SPRED2: variants seen among roughly 807,000 people sequenced by gnomAD.
SPRED2 encodes the protein sprouty related EVH1 domain containing 2.
A neutral mutation model predicts 43.0 loss-of-function variants in SPRED2; 47 were observed. The observed-to-expected ratio is 1.09, with a 90% CI of 0.87 to 1.40. The LOEUF is 1.40. Ranked by LOEUF, SPRED2 falls within the 40% of genes most tolerant of loss-of-function variation. SPRED2 has a pLI of 0.00. For missense variants in SPRED2, 561 were observed against 586.4 expected (o/e 0.96, Z 0.45); for synonymous variants, 225 against 225.7 (o/e 1.00, Z 0.03).
At chr2:65,351,375 C>G (rs894871095) in intron 1 of SPRED2, among the ~76,000 whole-genome samples, 4 of 152,202 alleles carry the variant, frequency 2.6e-5, no homozygotes, top group African/African-American at 4.8e-5. Context: ...CTTTTACCTC[C>G]CCCATAAATA....
intron 4 of SPRED2, among the ~76,000 whole-genome samples, chr2:65,329,546 T>C (rs2104194287): frequency 6.6e-6 from 1 of 152,316 alleles, no homozygotes. Flanking sequence ...CTCCTAAACT[T>C]TCTTCCAGGC....
At chr2:65,366,423 T>C (rs1240469668) in intron 1 of SPRED2, among the ~76,000 whole-genome samples, 1 of 152,230 alleles carries the variant, frequency 6.6e-6, no homozygotes, top group African/African-American at 2.4e-5. Context: ...AGGTTACCTA[T>C]CTGTCCTTGC....
At chr2:65,327,713 C>CTTTTTTTTTTTTTT (rs555549300) in intron 4 of SPRED2, among the ~76,000 whole-genome samples, 17 of 74,448 alleles carry the variant, frequency 2.3e-4, no homozygotes, top group African/African-American at 5.1e-4. Context: ...TTCTTTCTTT[C>CTTTTTTTTTTTTTT]TTTTTTTTTT....
chr2:65,345,198 T>C (rs1015073624), intron 1 of SPRED2, among the ~76,000 whole-genome samples: 5 of 152,102 alleles, frequency 3.3e-5, no homozygotes, highest in Non-Finnish European at 7.4e-5. Context: ...AATGAATTGA[T>C]TTCTGTAATT....
At position 65,316,771 on chromosome 2, in the gene SPRED2, T is replaced by C. The variant is rs543797257; in HGVS notation, c.551A>G (p.His184Arg). 1.6e-5 allele frequency: 26 copies of C among 1,612,720 alleles called. No individual in the cohort carries two copies. In the South Asian group the frequency reaches 2.6e-4, roughly 16 times the overall value. Reference sequence around the variant, plus strand: ...ATAGTGGTCTGTGGGGTATGAGTCGTGGAGGTGGCCCAGGGTATAAATCCT... The same window carrying C: ...ATAGTGGTCTGTGGGGTATGAGTCGCGGAGGTGGCCCAGGGTATAAATCCT... ...HRRIYTLGHL[H>R]DSYPTDHYHL... The change falls in exon 5 of 6, where the codon CAC becomes CGC. Residue 184 changes from histidine (H) to arginine (R), a missense_variant. Transcript: ENST00000356388.
Position 65,397,720 on chromosome 2 carries a change from T to C in SPRED2, c.26+34242A>G, listed in dbSNP as rs144389929. Among the ~76,000 whole-genome samples the C allele has an allele frequency of 3.6e-3, 548 of 151,866 alleles. 4 individuals carry two copies. The highest frequency in any genetic ancestry group is 0.012 in the African/African-American group (511 of 41,418). Reference sequence around the variant, plus strand: ...CCACTTCCTGAAGACAGGAGCCTCATCTTAGCTAGACTCCTTTAGACATAT... The same window carrying C: ...CCACTTCCTGAAGACAGGAGCCTCACCTTAGCTAGACTCCTTTAGACATAT... On this transcript the variant is annotated intron_variant, in intron 1 of 5. Transcript: ENST00000356388.
chr2:65,310,655 G>A (rs140095091), downstream of SPRED2, among the ~76,000 whole-genome samples: 5 of 152,210 alleles, frequency 3.3e-5, no homozygotes, highest in East Asian at 5.8e-4. Context: ...TGAGGCATCC[G>A]AGCCCAAGGA....
At position 65,313,537 on chromosome 2, in the gene SPRED2, G is replaced by A. The variant is rs762384688; in HGVS notation, c.1221C>T (p.Cys407=). The A allele has an allele frequency of 1.9e-6, 3 of 1,612,626 alleles. No homozygotes were observed. In the South Asian group the frequency reaches 3.3e-5, roughly 18 times the overall value. ...LRACYHCGVM[C]RCCGGKHKAA... ...CTTTGTGCTTCCCGCCACAGCACCTGCACATCACTCCGCAGTGGTAGCAGG... is the reference window on the plus strand; with the variant it reads ...CTTTGTGCTTCCCGCCACAGCACCTACACATCACTCCGCAGTGGTAGCAGG... The change falls in exon 6 of 6, where the codon TGC becomes TGT. Residue 407 remains cysteine, a synonymous_variant. Coordinates refer to ENST00000356388, the MANE Select transcript of SPRED2 (RefSeq NM_181784.3).
At chr2:65,407,866 A>G (rs1553427315) in intron 1 of SPRED2, among the ~76,000 whole-genome samples, 2 of 152,366 alleles carry the variant, frequency 1.3e-5, no homozygotes, top group Non-Finnish European at 1.5e-5. Flanking sequence ...AGCTCTAGCT[A>G]TATTTTTACT....
intron 1 of SPRED2, among the ~76,000 whole-genome samples, chr2:65,404,682 G>A (rs1025214050): frequency 3.3e-5 from 5 of 152,238 alleles, no homozygotes; most frequent in African/African-American, 1.2e-4. Flanking sequence ...GAGCTGGAGT[G>A]TCAACAGACC....
intron 2 of SPRED2, among the ~76,000 whole-genome samples, chr2:65,336,410 C>G (rs978893559): frequency 6.8e-6 from 1 of 146,690 alleles, no homozygotes; most frequent in African/African-American, 2.4e-5. Context: ...AATGAATGTT[C>G]CCTAACTTAA....
At chr2:65,317,914 G>C (rs1416629394) in intron 4 of SPRED2, among the ~76,000 whole-genome samples, 1 of 152,086 alleles carries the variant, frequency 6.6e-6, no homozygotes, top group East Asian at 1.9e-4. Context: ...TGGAGTCTCC[G>C]TAACCATGTC....
chr2:65,367,812 CATGAGAGGTT>C (rs1675018644), intron 1 of SPRED2, among the ~76,000 whole-genome samples: 1 of 152,172 alleles, frequency 6.6e-6, no homozygotes, highest in Non-Finnish European at 1.5e-5. Flanking sequence ...GGAAATGCTC[CATGAGAGGTT>C]ATGTAAGTCA....
rs1673086466 is a variant in SPRED2 at position 65,312,097 on chromosome 2, A to C, written c.*1404T>G. The C allele has an allele frequency of 1.0e-6, 1 of 985,416 alleles. No individual in the cohort carries two copies. The allele number at this position is 985,416 out of a possible 1,614,324, so 61.0% of individuals were successfully genotyped here. ...CACTCTTCACTTTTCTTCTTTCTTC[A>C]ATAAGAAGATTTGGCTAATCCTTGC... On this transcript the variant is annotated 3_prime_UTR_variant, in exon 6 of 6. Transcript: ENST00000356388.
intron 1 of SPRED2, among the ~76,000 whole-genome samples, chr2:65,397,305 C>T (rs968505164): frequency 6.6e-6 from 1 of 152,180 alleles, no homozygotes; most frequent in Non-Finnish European, 1.5e-5. Context: ...AAGTTAGCCA[C>T]AGACAGCGCC....
chr2:65,375,668 A>G (rs1337713953), intron 1 of SPRED2, among the ~76,000 whole-genome samples: 1 of 152,190 alleles, frequency 6.6e-6, no homozygotes, highest in African/African-American at 2.4e-5. Context: ...TAAAATAGAA[A>G]AGGTACATTT....
At chr2:65,395,520 G>A (rs755543866) in intron 1 of SPRED2, among the ~76,000 whole-genome samples, 19 of 152,068 alleles carry the variant, frequency 1.2e-4, no homozygotes, top group Middle Eastern at 3.4e-3. Flanking sequence ...ACCACACCCC[G>A]CATCACCTGT....
At chr2:65,361,673 C>T (rs1195344574) in intron 1 of SPRED2, among the ~76,000 whole-genome samples, 10 of 152,246 alleles carry the variant, frequency 6.6e-5, no homozygotes, top group South Asian at 2.1e-4. Context: ...GGGGGTTAAG[C>T]GATGTTTTTT....
At chr2:65,316,706 C>T (rs759765546) in intron 5 of SPRED2, 28 bp downstream of exon 5, 6 of 1,592,090 alleles carry the variant, frequency 3.8e-6, no homozygotes, top group African/African-American at 1.3e-5. Flanking sequence ...CACCCTGATG[C>T]CCTCAGAGGA....
Sources: gnomAD v4.1 joint callset for allele counts (sites outside exome capture counted in the v4.1 genomes callset) on GRCh38, gnomAD v4.1.1 for gene constraint, MANE v1.5 for transcripts, NCBI Gene and HGNC (gene_info 2026-07-23, HGNC 2026-07-21) for gene names.